The following ALDH1L1 variants were observed in gnomAD, a reference collection of about 807,000 sequenced individuals.
The protein encoded by ALDH1L1 is aldehyde dehydrogenase 1 family member L1.
ALDH1L1 carries 68 observed loss-of-function variants against 101.1 expected under a neutral mutation model. The ratio of observed to expected loss-of-function variants is 0.67; its 90% confidence interval spans 0.55 to 0.82. The LOEUF (loss-of-function observed/expected upper bound fraction) is 0.82, where lower values mean the gene tolerates loss of function less well. Ranked by LOEUF, ALDH1L1 falls within the 40% of genes least tolerant of loss-of-function variation. ALDH1L1 has a pLI of 0.00. For missense variants in ALDH1L1, 1,087 were observed against 1,172.7 expected, an observed-to-expected ratio of 0.93 and a Z score of 1.07; for synonymous variants, 486 against 470.8, an observed-to-expected ratio of 1.03 and a Z score of -0.42.
rs1295613032 is a variant in ALDH1L1, at chr3:126,157,471, T to C, written c.400A>G (p.Ile134Val). Reference protein sequence around the residue: ...IHGDKKGGFSIFWADDGLDTG... With the variant: ...IHGDKKGGFSVFWADDGLDTG... ...TCCAGACCATCATCCGCCCAGAAGA[T>C]GGAAAACCCCCCTTTCTTATCTCCG... The change falls in exon 4 of 23, where the codon ATC (isoleucine) becomes GTC (valine). Residue 134 changes from isoleucine to valine, a missense_variant. Ile to Val is a conservative substitution (Grantham distance 29). This residue lies in a region of ALDH1L1 where 645 missense variants were observed against 637.0 expected (regional missense o/e 1.01). Transcript: ENST00000393434. The C allele has an allele frequency of 1.2e-6, 2 of 1,613,944 alleles. No homozygotes were observed. The highest frequency in any genetic ancestry group is 1.7e-5 in the Admixed American group (1 of 60,016).
At position 126,146,932 on chromosome 3, in the gene ALDH1L1, A is replaced by G. The variant is rs202135552; in HGVS notation, c.985-6T>C. The G allele has an allele frequency of 1.6e-5, 26 of 1,613,058 alleles. No individual in the cohort carries two copies. The East Asian group carries it at 5.8e-4, about 36-fold the overall frequency. On this transcript the variant is annotated splice_polypyrimidine_tract_variant and splice_region_variant and intron_variant, in intron 8 of 22. Transcript: ENST00000393434. ...AGGATCCGCTGCCAAACACTCTGCA[A>G]AGCAAGACCTGATGAGAGGCTGGCC...
At chr3:126,131,059 G>A (rs934196295) in intron 13 of ALDH1L1, among the ~76,000 whole-genome samples, 7 of 152,152 alleles carry the variant, frequency 4.6e-5, no homozygotes, top group African/African-American at 1.2e-4. Context: ...AAGGACCTGC[G>A]GCCTCAGCCC....
intron 16 of ALDH1L1, among the ~76,000 whole-genome samples, chr3:126,122,845 A>C (rs1314391117): frequency 6.6e-6 from 1 of 152,246 alleles, no homozygotes; most frequent in Non-Finnish European, 1.5e-5. Flanking sequence ...AAGCATTAAA[A>C]TGTTATGCTA....
At chr3:126,109,318 G>C (rs1945997004) in intron 20 of ALDH1L1, among the ~76,000 whole-genome samples, 1 of 152,200 alleles carries the variant, frequency 6.6e-6, no homozygotes, top group Non-Finnish European at 1.5e-5. Flanking sequence ...ATCAGACAGA[G>C]GGTCCTGGAG....
chr3:126,161,110 C>G (rs2081041034), intron 1 of ALDH1L1, 108 bp from the exon 2 acceptor site: 1 of 1,329,298 alleles, frequency 7.5e-7, no homozygotes, highest in African/African-American at 1.5e-5. Flanking sequence ...CTACCCCAGT[C>G]CCCTCTGTGG....
intron 12 of ALDH1L1, 135 bp from the exon 13 acceptor site, chr3:126,131,669 C>A: frequency 2.1e-6 from 2 of 966,558 alleles, no homozygotes; most frequent in Non-Finnish European, 3.0e-6. Flanking sequence ...TGCGGACCTC[C>A]GTTTCTGATC....
At chr3:126,118,205 A>T in intron 16 of ALDH1L1, 107 bp from the exon 17 acceptor site, 1 of 848,186 alleles carries the variant, frequency 1.2e-6, no homozygotes, top group South Asian at 1.5e-5. Flanking sequence ...AGGCCCTCAA[A>T]ATGCTCCCCA....
intron 1 of ALDH1L1, among the ~76,000 whole-genome samples, chr3:126,173,184 A>AT (rs149398761): frequency 0.021 from 3,198 of 152,218 alleles, 49 homozygotes; most frequent in Non-Finnish European, 0.033. Flanking sequence ...ATGTGAAATA[A>AT]TTTTTTTTCT....
chr3:126,114,690 C>G, intron 17 of ALDH1L1, 34 bp from the exon 18 acceptor site: 1 of 1,569,430 alleles, frequency 6.4e-7, no homozygotes, highest in Non-Finnish European at 8.7e-7. Flanking sequence ...GGGCCGGTCC[C>G]TCCAGGGCAG....
At chr3:126,171,125 C>G (rs1461768902) in intron 1 of ALDH1L1, among the ~76,000 whole-genome samples, 1 of 152,058 alleles carries the variant, frequency 6.6e-6, no homozygotes, top group Non-Finnish European at 1.5e-5. Context: ...GGTGAAACCC[C>G]GTCTCTACTA....
chr3:126,191,394 G>A (rs1002184974), intron 1 of ALDH1L1, among the ~76,000 whole-genome samples: 14 of 152,306 alleles, frequency 9.2e-5, no homozygotes, highest in African/African-American at 1.7e-4. Context: ...GCTGTAATGT[G>A]CAATGGGCCT....
intron 19 of ALDH1L1, 127 bp downstream of exon 19, chr3:126,112,655 G>A: frequency 1.2e-6 from 1 of 827,694 alleles, no homozygotes; most frequent in South Asian, 1.6e-5. Flanking sequence ...GACCCCCGGG[G>A]GGAGTGTCCT....
chr3:126,139,609 T>C (rs1206922410), intron 9 of ALDH1L1, among the ~76,000 whole-genome samples: 1 of 152,220 alleles, frequency 6.6e-6, no homozygotes, highest in Admixed American at 6.5e-5. Context: ...AAAGACATTA[T>C]GTCAAATGCC....
intron 1 of ALDH1L1, among the ~76,000 whole-genome samples, chr3:126,195,621 C>T (rs1196025377): frequency 6.6e-6 from 1 of 152,184 alleles, no homozygotes; most frequent in Admixed American, 6.5e-5. Flanking sequence ...GGTATATACC[C>T]AAAGGATTAT....
chr3:126,106,064 C>G (rs1461094518), intron 21 of ALDH1L1, 139 bp from the exon 22 acceptor site: 1 of 898,924 alleles, frequency 1.1e-6, no homozygotes. Context: ...GCGCCGGGGG[C>G]AAGATTGGGT....
chr3:126,192,239 AG>A (rs2081557118), intron 1 of ALDH1L1, among the ~76,000 whole-genome samples: 1 of 152,160 alleles, frequency 6.6e-6, no homozygotes, highest in Admixed American at 6.5e-5. Context: ...TTAACTGGTA[AG>A]ACTGGAATAT....
At chr3:126,116,590 T>C (rs2079976891) in intron 17 of ALDH1L1, among the ~76,000 whole-genome samples, 1 of 152,144 alleles carries the variant, frequency 6.6e-6, no homozygotes, top group Non-Finnish European at 1.5e-5. Flanking sequence ...AGAGACCAGC[T>C]AGCTTTTGAA....
intron 15 of ALDH1L1, among the ~76,000 whole-genome samples, chr3:126,125,413 A>G (rs1356050800): frequency 2.0e-5 from 3 of 152,178 alleles, no homozygotes; most frequent in Non-Finnish European, 4.4e-5. Flanking sequence ...ATGGCTGAAA[A>G]AGAGTCTGCT....
At chr3:126,159,976 A>G (rs912973377) in intron 2 of ALDH1L1, among the ~76,000 whole-genome samples, 1 of 152,120 alleles carries the variant, frequency 6.6e-6, no homozygotes. Flanking sequence ...TCTATCCTTA[A>G]GCCCTGCCCC....
Sources: allele counts gnomAD v4.1 joint callset (sites outside exome capture counted in the v4.1 genomes callset), GRCh38; gene constraint gnomAD v4.1.1; regional missense constraint gnomAD v4.1.1; transcripts MANE v1.5; gene names NCBI Gene and HGNC (gene_info 2026-07-23, HGNC 2026-07-21).